The following FBLN1 variants were observed in gnomAD, a reference collection of about 807,000 sequenced individuals.
FBLN1 encodes fibulin 1, also known as fibulin-1.
A neutral mutation model predicts 89.7 loss-of-function variants in FBLN1; 34 were observed. The observed-to-expected ratio is 0.38, with a 90% confidence interval of 0.29 to 0.50. FBLN1 has a LOEUF of 0.50. Ranked by LOEUF, FBLN1 falls within the 20% of genes least tolerant of loss-of-function variation. The pLI is 0.92. For synonymous variants in FBLN1, 393 were observed against 391.3 expected (o/e 1.00, Z -0.05); for missense variants, 777 against 988.1 (o/e 0.79, Z 2.86).
At position 45,532,872 on chromosome 22, in the gene FBLN1, C is replaced by T. The variant is rs910837524; in HGVS notation, c.545-191C>T. ...GGAGGTTGGGACCTGAAGCAGCAGC[C>T]CCTGGGGGGTGTCCAGAGCCAGAGC... On this transcript the variant is annotated intron_variant, in intron 5 of 16. Transcript: ENST00000327858. The surrounding 1 kb of genome is among the most constrained non-coding windows in gnomAD (Gnocchi z 4.2). The T allele has an allele frequency of 3.2e-5, 20 of 632,860 alleles. No individual in the cohort carries two copies. The highest frequency in any genetic ancestry group is 3.1e-4 in the African/African-American group (17 of 55,342). 39.2% of individuals were successfully genotyped at this position (632,860 alleles called of 1,614,324 possible).
intron 4 of FBLN1, among the ~76,000 whole-genome samples, chr22:45,528,218 C>G (rs527970993): frequency 1.4e-4 from 21 of 152,334 alleles, no homozygotes; most frequent in African/African-American, 5.1e-4. Context: ...AGTGTGCTGG[C>G]AGAACGCCGC....
chr22:45,566,678 G>T (rs2088904047), intron 14 of FBLN1, among the ~76,000 whole-genome samples: 1 of 152,200 alleles, frequency 6.6e-6, no homozygotes, highest in Non-Finnish European at 1.5e-5. Context: ...AGGTGTGAGT[G>T]TGGGTTTCTT....
chr22:45,565,590 T>A (rs1278135061), intron 14 of FBLN1: 4 of 217,446 alleles, frequency 1.8e-5, no homozygotes, highest in Non-Finnish European at 3.7e-5. Flanking sequence ...CTAGCCAGGC[T>A]CTTTGAGGGC....
At chr22:45,529,037 T>C (rs2088368642) in intron 4 of FBLN1, among the ~76,000 whole-genome samples, 1 of 152,280 alleles carries the variant, frequency 6.6e-6, no homozygotes, top group Admixed American at 6.5e-5. Flanking sequence ...CCTGGCCCCA[T>C]AAATGTCTGC....
rs1920925931 is a variant in FBLN1, at chr22:45,600,752, A to C, written c.*306A>C. 2.4e-6 allele frequency: 1 copy of C among 423,622 alleles called. No individual in the cohort carries two copies. The highest frequency in any genetic ancestry group is 2.0e-5 in the African/African-American group (1 of 49,314). 26.2% of individuals were successfully genotyped at this position (423,622 alleles called of 1,614,324 possible). A position where few individuals can be genotyped will look rare whatever the true frequency, so the allele number is the denominator to read the frequency against. On this transcript the variant is annotated 3_prime_UTR_variant, in exon 17 of 17. Coordinates refer to ENST00000327858, the MANE Select transcript of FBLN1 (RefSeq NM_006486.3). ...TGCTAAGGGCCAAGGAAAGAAAGAC[A>C]TTTTTTAGGGGGCAGCCAGTCCAAA... is the stretch of plus-strand genomic sequence containing the variant.
Position 45,583,235 on chromosome 22 carries a change from C to T in FBLN1, c.1972+6127C>T, listed in dbSNP as rs913619111. ...TTGTCCCCCAAGCCCCTCAGCCCCCCAGGCAGCTCTAAGGGCTCAGCTGCT... is the reference window on the plus strand; with the variant it reads ...TTGTCCCCCAAGCCCCTCAGCCCCCTAGGCAGCTCTAAGGGCTCAGCTGCT... On this transcript the variant is annotated intron_variant, in intron 16 of 16. Coordinates refer to ENST00000327858, the MANE Select transcript of FBLN1 (RefSeq NM_006486.3). This position sits in a 1 kb window ranked among gnomAD's most constrained non-coding sequence, Gnocchi z 4.5. Among the ~76,000 whole-genome samples, 1 of 152,192 alleles carries T rather than the reference C, an allele frequency of 6.6e-6. No individual in the cohort carries two copies. Among genetic ancestry groups the T allele is most frequent in the Non-Finnish European group, 1.5e-5 (1 of 68,018 alleles).
intron 16 of FBLN1, among the ~76,000 whole-genome samples, chr22:45,598,801 G>A (rs182325930): frequency 6.6e-6 from 1 of 152,364 alleles, no homozygotes; most frequent in East Asian, 1.9e-4. Context: ...TGCACAGCTG[G>A]AGCTGATGCC....
At chr22:45,527,741 G>T in intron 3 of FBLN1, 106 bp from the exon 4 acceptor site, 1 of 1,157,402 alleles carries the variant, frequency 8.6e-7, no homozygotes, top group Non-Finnish European at 1.3e-6. Flanking sequence ...TCACTCTACA[G>T]GTTGTGTGGA....
rs2088383126 is a variant in FBLN1, at chr22:45,530,014, C to G, written c.485-1251C>G. ...CTTTCACTTCTTGTTCTTAGGTTTT[C>G]AAGTCCAGGCTGTAGGGCCCCTGGT... On this transcript the variant is annotated intron_variant, in intron 4 of 16. Transcript: ENST00000327858. This position sits in a 1 kb window ranked among gnomAD's most constrained non-coding sequence, Gnocchi z 5.4. 6.6e-6 allele frequency among the ~76,000 whole-genome samples: 1 copy of G among 152,146 alleles called. No homozygotes were observed. Among genetic ancestry groups the G allele is most frequent in the African/African-American group, 2.4e-5 (1 of 41,416 alleles).
intron 14 of FBLN1, among the ~76,000 whole-genome samples, chr22:45,560,728 A>G (rs1404024191): frequency 6.6e-6 from 1 of 152,202 alleles, no homozygotes; most frequent in Non-Finnish European, 1.5e-5. Flanking sequence ...TCTATAAATT[A>G]GAAAACTCAA....
chr22:45,599,593 C>T (rs1045570278), intron 16 of FBLN1, among the ~76,000 whole-genome samples: 4 of 152,158 alleles, frequency 2.6e-5, no homozygotes, highest in African/African-American at 9.7e-5. Flanking sequence ...GTACCCACTG[C>T]ATGCCAGGCC....
In FBLN1 at chr22:45,562,421, G is replaced by T. The variant is rs886856656; in HGVS notation, c.1697+11806G>T. Among the ~76,000 whole-genome samples, 2 of 152,246 alleles carry T rather than the reference G, an allele frequency of 1.3e-5. No homozygotes were observed. The highest frequency in any genetic ancestry group is 4.8e-5 in the African/African-American group (2 of 41,466). On this transcript the variant is annotated intron_variant, in intron 14 of 16. Coordinates refer to ENST00000327858, the MANE Select transcript of FBLN1 (RefSeq NM_006486.3). The surrounding 1 kb of genome is among the most constrained non-coding windows in gnomAD (Gnocchi z 7.8). ...TCACCGAAGCCACTGTCATGGGGTGGTGGCAGTGATCACACTAGAGAGTGC... is the reference window on the plus strand; with the variant it reads ...TCACCGAAGCCACTGTCATGGGGTGTTGGCAGTGATCACACTAGAGAGTGC...
At chr22:45,525,275 G>A (rs2088310308) in intron 2 of FBLN1, among the ~76,000 whole-genome samples, 1 of 152,228 alleles carries the variant, frequency 6.6e-6, no homozygotes, top group Non-Finnish European at 1.5e-5. Flanking sequence ...GACTGGTCTC[G>A]AATTCCTGGG....
chr22:45,598,381 A>G (rs2089203809), intron 16 of FBLN1, among the ~76,000 whole-genome samples: 1 of 152,150 alleles, frequency 6.6e-6, no homozygotes. Context: ...CCCACCCTCA[A>G]CACCACCTTA....
At chr22:45,552,709 C>T (rs1356651105) in intron 14 of FBLN1, among the ~76,000 whole-genome samples, 7 of 152,176 alleles carry the variant, frequency 4.6e-5, no homozygotes, top group Non-Finnish European at 1.0e-4. Flanking sequence ...TCCACTCAGA[C>T]GGCTTCCATC....
rs535709582 is a variant in FBLN1, at chr22:45,517,284, G to A, written c.80-1398G>A. On this transcript the variant is annotated intron_variant, in intron 1 of 16. Transcript: ENST00000327858. ...CAGTTTTGTAACATCCTGCCGAGAGGTGACCTTCTGCCCAGCAGCTGGGGC... is the reference window on the plus strand; with the variant it reads ...CAGTTTTGTAACATCCTGCCGAGAGATGACCTTCTGCCCAGCAGCTGGGGC... The A allele has an allele frequency of 6.3e-4, 194 of 307,262 alleles. 3 individuals carry two copies. The highest frequency in any genetic ancestry group is 5.0e-3 in the South Asian group (194 of 38,930). 19.0% of individuals were successfully genotyped at this position (307,262 alleles called of 1,614,324 possible). A position where few individuals can be genotyped will look rare whatever the true frequency, so the allele number is the denominator to read the frequency against.
At chr22:45,508,470 C>G (rs867707400) in intron 1 of FBLN1, among the ~76,000 whole-genome samples, 1 of 152,018 alleles carries the variant, frequency 6.6e-6, no homozygotes, top group Admixed American at 6.6e-5. Context: ...ACTATGTTGG[C>G]CAGAGTGGTC....
rs756918216 is a variant in FBLN1 at position 45,583,668 on chromosome 22, C to T, written c.1972+6560C>T. Among the ~76,000 whole-genome samples, 6 of 152,192 alleles carry T rather than the reference C, an allele frequency of 3.9e-5. No homozygotes were observed. Among genetic ancestry groups the T allele is most frequent in the East Asian group, 1.9e-4 (1 of 5,180 alleles). On this transcript the variant is annotated intron_variant, in intron 16 of 16. Transcript: ENST00000327858. The surrounding 1 kb of genome is among the most constrained non-coding windows in gnomAD (Gnocchi z 4.5). ...GTTTTGGTGTGCCAGTCAGGTGAGACGCAGAGAAGACAGCACAATCAACAC... is the reference window on the plus strand; with the variant it reads ...GTTTTGGTGTGCCAGTCAGGTGAGATGCAGAGAAGACAGCACAATCAACAC...
rs2088800850 is a variant in FBLN1 at position 45,557,307 on chromosome 22, GAGTA to G, written c.1697+6696_1697+6699del. 6.6e-6 allele frequency among the ~76,000 whole-genome samples: 1 copy of G among 152,208 alleles called. No individual in the cohort carries two copies. Among genetic ancestry groups the G allele is most frequent in the Non-Finnish European group, 1.5e-5 (1 of 68,034 alleles). On this transcript the variant is annotated intron_variant, in intron 14 of 16. Coordinates refer to ENST00000327858, the MANE Select transcript of FBLN1 (RefSeq NM_006486.3). The surrounding 1 kb of genome is among the most constrained non-coding windows in gnomAD (Gnocchi z 4.9). ...TGCAGGATAGGCAAACCCATATCCA[GAGTA>G]AGTGTCTATTCCGGTGAGGACAAAC...
Sources: gnomAD v4.1 joint callset for allele counts (sites outside exome capture counted in the v4.1 genomes callset) on GRCh38, gnomAD v4.1.1 for gene constraint, Gnocchi (gnomAD v3.1) non-coding constraint, MANE v1.5 for transcripts, NCBI Gene and HGNC (gene_info 2026-07-23, HGNC 2026-07-21) for gene names.